Variants in MYO16 observed in about 807,000 individuals in gnomAD.
MYO16 encodes the protein unconventional myosin-XVI.
MYO16 carries 94 observed loss-of-function variants against 205.3 expected under a neutral mutation model. That is an observed-to-expected ratio of 0.46 (90% CI 0.39 to 0.54). The LOEUF (loss-of-function observed/expected upper bound fraction) is 0.54, where lower values mean the gene tolerates loss of function less well. MYO16 is among the 20% of genes least tolerant of loss of function. The pLI, the probability that MYO16 is intolerant of heterozygous loss-of-function variation, is 0.00. For missense variants in MYO16, 2,315 were observed against 2,387.5 expected (o/e 0.97, Z 0.63); for synonymous variants, 988 against 954.0 (o/e 1.04, Z -0.66).
chr13:108,674,701 A>T (rs1342310771), intron 2 of MYO16, among the ~76,000 whole-genome samples: 1 of 152,204 alleles, frequency 6.6e-6, no homozygotes, highest in African/African-American at 2.4e-5. Context: ...ACATTACTGG[A>T]TGTGATGTAT....
At chr13:108,665,851 T>C (rs760875412) in intron 1 of MYO16, 35 bp from the exon 2 acceptor site, 6 of 1,595,026 alleles carry the variant, frequency 3.8e-6, no homozygotes, top group Non-Finnish European at 4.3e-6. Flanking sequence ...GTTATAATAA[T>C]AGGTCTGGTG....
At chr13:109,078,813 G>A (rs1449956226) in intron 27 of MYO16, among the ~76,000 whole-genome samples, 1 of 152,224 alleles carries the variant, frequency 6.6e-6, no homozygotes, top group Non-Finnish European at 1.5e-5. Context: ...AGTTTTGTAC[G>A]CAGTGCCCAT....
At chr13:108,883,556 T>C (rs1357138192) in intron 13 of MYO16, among the ~76,000 whole-genome samples, 2 of 152,214 alleles carry the variant, frequency 1.3e-5, no homozygotes, top group Admixed American at 1.3e-4. Context: ...TATCATTTTA[T>C]TTCTTTCCAA....
At chr13:108,646,695 T>C (rs1055275588) in intron 1 of MYO16, among the ~76,000 whole-genome samples, 1 of 152,294 alleles carries the variant, frequency 6.6e-6, no homozygotes. Context: ...ATTTAGGCCA[T>C]TGTGCTATGA....
chr13:109,030,468 C>A (rs915141283), intron 23 of MYO16, among the ~76,000 whole-genome samples: 8 of 152,148 alleles, frequency 5.3e-5, no homozygotes, highest in African/African-American at 1.9e-4. Context: ...ATCACCACTT[C>A]CAACACCAGA....
rs147915515 is a variant in MYO16 at position 108,896,803 on chromosome 13, T to C, written c.1660-1213T>C. Among the ~76,000 whole-genome samples, 1,148 of 152,156 alleles carry C rather than the reference T, an allele frequency of 7.5e-3. 16 individuals are homozygous for C. The highest frequency in any genetic ancestry group is 0.026 in the African/African-American group (1,060 of 41,514). On this transcript the variant is annotated intron_variant, in intron 14 of 34. Coordinates refer to ENST00000457511, the MANE Select transcript of MYO16 (RefSeq NM_001198950.3). ...GGCCAACATGGCGAAACCCTGTCTC[T>C]ACTACTAAAACTACAAAAATTGGCC...
chr13:108,627,881 T>C (rs1879805685), upstream of MYO16, among the ~76,000 whole-genome samples: 2 of 152,152 alleles, frequency 1.3e-5, 1 homozygote, highest in East Asian at 3.9e-4. Flanking sequence ...TTCAGACATT[T>C]AAGGAAGGTA....
chr13:109,034,752 A>G (rs1214994009), intron 23 of MYO16, among the ~76,000 whole-genome samples: 1 of 152,214 alleles, frequency 6.6e-6, no homozygotes, highest in Non-Finnish European at 1.5e-5. Context: ...AACCTTTGAT[A>G]TTAGCCATAT....
chr13:109,128,412 C>T (rs930889579), intron 31 of MYO16, among the ~76,000 whole-genome samples: 2 of 152,080 alleles, frequency 1.3e-5, no homozygotes, highest in African/African-American at 4.8e-5. Flanking sequence ...GGGTAGAACT[C>T]GCTAGAAAAT....
chr13:109,141,053 A>C lies in MYO16; in HGVS notation c.4841A>C (p.His1614Pro), dbSNP rs1466387709. The change falls in exon 32 of 35, where the codon CAC becomes CCC. Residue 1614 changes from histidine to proline, a missense_variant. By Grantham distance (77) the His-to-Pro change is moderately conservative (BLOSUM62 -2). Transcript: ENST00000457511. The surrounding 1 kb of genome is among the most constrained non-coding windows in gnomAD (Gnocchi z 4.1). Reference protein sequence around the residue: ...PPPAPYRPCAHLAFPPEPAPV... With the variant: ...PPPAPYRPCAPLAFPPEPAPV... ...CCCGCGCCCTACAGGCCCTGCGCGC[A>C]CTTGGCCTTCCCGCCGGAGCCCGCC... The C allele has an allele frequency of 7.1e-7, 1 of 1,400,374 alleles. No homozygotes were observed. The highest frequency in any genetic ancestry group is 1.6e-5 in the African/African-American group (1 of 60,676). The allele number at this position is 1,400,374 out of a possible 1,614,324, so 86.7% of individuals were successfully genotyped here. A position where few individuals can be genotyped will look rare whatever the true frequency, so the allele number is the denominator to read the frequency against.
chr13:109,064,801 A>G (rs1236082590), intron 27 of MYO16, among the ~76,000 whole-genome samples: 1 of 152,156 alleles, frequency 6.6e-6, no homozygotes, highest in African/African-American at 2.4e-5. Flanking sequence ...ACCAACATAG[A>G]TAGGGTGGAG....
intron 16 of MYO16, among the ~76,000 whole-genome samples, chr13:108,947,978 T>C (rs1883000541): frequency 6.6e-6 from 1 of 152,220 alleles, no homozygotes; most frequent in Non-Finnish European, 1.5e-5. Context: ...AGTTTGTGAC[T>C]CATATATTAA....
chr13:109,203,553 C>G (rs1358207176), intron 34 of MYO16, among the ~76,000 whole-genome samples: 1 of 152,096 alleles, frequency 6.6e-6, no homozygotes, highest in Non-Finnish European at 1.5e-5. Flanking sequence ...AACCAGTCTA[C>G]CCCTGGTTCT....
intron 4 of MYO16, among the ~76,000 whole-genome samples, chr13:108,743,818 G>A (rs1396825905): frequency 6.6e-6 from 1 of 152,202 alleles, no homozygotes; most frequent in Non-Finnish European, 1.5e-5. Context: ...TTTACATGAA[G>A]CGGCTTACAT....
chr13:109,151,254 C>T (rs139148100), intron 32 of MYO16, among the ~76,000 whole-genome samples: 1 of 152,334 alleles, frequency 6.6e-6, no homozygotes, highest in East Asian at 1.9e-4. Flanking sequence ...CCACCATGTA[C>T]TCTGTGCAGA....
chr13:108,669,716 A>G (rs1468765540), intron 2 of MYO16, among the ~76,000 whole-genome samples: 3 of 152,172 alleles, frequency 2.0e-5, no homozygotes, highest in Non-Finnish European at 4.4e-5. Flanking sequence ...AATGTGGTAC[A>G]TATACACCAT....
At chr13:109,087,811 T>C (rs1888482726) in intron 27 of MYO16, among the ~76,000 whole-genome samples, 1 of 152,224 alleles carries the variant, frequency 6.6e-6, no homozygotes, top group African/African-American at 2.4e-5. Context: ...AGACTGACCT[T>C]GGTGAATATT....
At chr13:109,032,935 T>C (rs1487789402) in intron 23 of MYO16, among the ~76,000 whole-genome samples, 3 of 152,184 alleles carry the variant, frequency 2.0e-5, no homozygotes, top group Admixed American at 6.5e-5. Flanking sequence ...CAGAAAAGTC[T>C]CTAATTTTAA....
intron 9 of MYO16, among the ~76,000 whole-genome samples, chr13:108,835,448 C>T (rs144883234): frequency 6.6e-5 from 10 of 152,236 alleles, no homozygotes; most frequent in Middle Eastern, 3.4e-3. Flanking sequence ...GTCTCAGGTA[C>T]GTCCTTATAG....
Sources: gnomAD v4.1 joint callset for allele counts (sites outside exome capture counted in the v4.1 genomes callset) on GRCh38, gnomAD v4.1.1 for gene constraint, Gnocchi (gnomAD v3.1) non-coding constraint, MANE v1.5 for transcripts, NCBI Gene and HGNC (gene_info 2026-07-23, HGNC 2026-07-21) for gene names.